The following CACNA1D variants were observed in gnomAD, a reference collection of about 807,000 sequenced individuals.
CACNA1D encodes the protein voltage-dependent L-type calcium channel subunit alpha-1D.
In CACNA1D, 55 loss-of-function variants were observed where a neutral mutation model predicts 257.1. The ratio of observed to expected loss-of-function variants is 0.21; its 90% CI spans 0.17 to 0.27. CACNA1D has a LOEUF of 0.27. Among genes scored for constraint, CACNA1D ranks in the 10% least tolerant of loss-of-function variants. The pLI is 1.00. For synonymous variants in CACNA1D, 980 were observed against 1,014.9 expected (o/e 0.97, Z 0.65); for missense variants, 1,876 against 2,784.0 (o/e 0.67, Z 7.34).
Position 53,732,257 on chromosome 3 carries a change from G to A in CACNA1D, c.2473+175G>A, listed in dbSNP as rs11926741. ...TTTCCCATGGTCACAGGCAGAATGT[G>A]TCACTCAAATTCCAGGTGATGGGGA... On this transcript the variant is annotated intron_variant, in intron 18 of 47. Coordinates refer to ENST00000350061, the MANE Select transcript of CACNA1D (RefSeq NM_001128840.3). 0.065 allele frequency among the ~76,000 whole-genome samples: 9,950 copies of A among 152,348 alleles called. 423 individuals are homozygous for A. Among genetic ancestry groups the A allele is most frequent in the Middle Eastern group, 0.12 (36 of 294 alleles).
intron 8 of CACNA1D, among the ~76,000 whole-genome samples, chr3:53,702,097 G>A (rs1387375120): frequency 6.6e-6 from 1 of 152,224 alleles, no homozygotes; most frequent in African/African-American, 2.4e-5. Context: ...CAGGTGATGG[G>A]TAGAGGAGCC....
chr3:53,565,650 T>A (rs1486229481), intron 3 of CACNA1D, among the ~76,000 whole-genome samples: 2 of 152,218 alleles, frequency 1.3e-5, no homozygotes, highest in Non-Finnish European at 2.9e-5. Flanking sequence ...TCAAAAGGCA[T>A]GTGGAACCTT....
intron 3 of CACNA1D, among the ~76,000 whole-genome samples, chr3:53,502,042 TTTTTC>T (rs1349256267): frequency 3.0e-4 from 46 of 151,810 alleles, no homozygotes; most frequent in African/African-American, 1.1e-3. Flanking sequence ...AATATTAGCT[TTTTTC>T]TTTTCTTTTT....
chr3:53,600,675 C>A (rs964348323), intron 3 of CACNA1D, among the ~76,000 whole-genome samples: 15 of 152,132 alleles, frequency 9.9e-5, no homozygotes, highest in African/African-American at 3.4e-4. Flanking sequence ...ATTGATCATT[C>A]ATTCATCAGT....
chr3:53,590,915 C>T (rs572479872), intron 3 of CACNA1D, among the ~76,000 whole-genome samples: 34 of 152,268 alleles, frequency 2.2e-4, no homozygotes, highest in African/African-American at 7.5e-4. Context: ...CTACAGAAGG[C>T]CCTACTGCCT....
chr3:53,799,069 A>T (rs1022516058), intron 40 of CACNA1D, among the ~76,000 whole-genome samples: 3 of 152,152 alleles, frequency 2.0e-5, no homozygotes, highest in Non-Finnish European at 4.4e-5. Context: ...CTGCACATCC[A>T]TTGTCTTAGC....
At chr3:53,684,621 CAAAAAA>C (rs60026644) in intron 8 of CACNA1D, among the ~76,000 whole-genome samples, 9 of 84,510 alleles carry the variant, frequency 1.1e-4, no homozygotes, top group African/African-American at 4.2e-4. Context: ...GAAACTCTGT[CAAAAAA>C]AAAAAAAAAA....
chr3:53,659,625 C>T (rs1443435922), intron 4 of CACNA1D, among the ~76,000 whole-genome samples: 2 of 152,202 alleles, frequency 1.3e-5, no homozygotes, highest in African/African-American at 2.4e-5. Flanking sequence ...GTCCACATGC[C>T]TGTGTTTACA....
At chr3:53,556,728 T>C (rs988610266) in intron 3 of CACNA1D, among the ~76,000 whole-genome samples, 1 of 152,056 alleles carries the variant, frequency 6.6e-6, no homozygotes, top group Non-Finnish European at 1.5e-5. Flanking sequence ...TTTTTTAATT[T>C]TTTTTTGAGA....
chr3:53,528,849 T>C (rs2091852564), intron 3 of CACNA1D, among the ~76,000 whole-genome samples: 1 of 152,222 alleles, frequency 6.6e-6, no homozygotes, highest in Non-Finnish European at 1.5e-5. Context: ...TTTTTGTATA[T>C]GTTGCCTTGT....
chr3:53,774,961 T>C lies in CACNA1D; in HGVS notation c.4202+283T>C, dbSNP rs1001890188. 3.9e-5 allele frequency among the ~76,000 whole-genome samples: 6 copies of C among 152,180 alleles called. No homozygotes were observed. The highest frequency in any genetic ancestry group is 3.9e-4 in the Admixed American group (6 of 15,278). ...GCTACTTAGGCCACCTGAAAAATTG[T>C]AGGATGTACGTTTATGCATGGAGGC... On this transcript the variant is annotated intron_variant, in intron 34 of 47. Coordinates refer to ENST00000350061, the MANE Select transcript of CACNA1D (RefSeq NM_001128840.3). The surrounding 1 kb of genome is among the most constrained non-coding windows in gnomAD (Gnocchi z 4.3).
At chr3:53,540,934 G>A (rs903652279) in intron 3 of CACNA1D, among the ~76,000 whole-genome samples, 1 of 152,068 alleles carries the variant, frequency 6.6e-6, no homozygotes. Flanking sequence ...TAGAGACAGG[G>A]TTTCACCATG....
chr3:53,516,153 C>T (rs2091324694), intron 3 of CACNA1D, among the ~76,000 whole-genome samples: 1 of 152,208 alleles, frequency 6.6e-6, no homozygotes, highest in African/African-American at 2.4e-5. Context: ...CGAGGGAGCT[C>T]TCATTTACCA....
At chr3:53,661,425 A>G (rs1351515353) in intron 5 of CACNA1D, among the ~76,000 whole-genome samples, 5 of 152,360 alleles carry the variant, frequency 3.3e-5, no homozygotes, top group Non-Finnish European at 5.9e-5. Flanking sequence ...TTTTCATTGA[A>G]AAAGATCAGC....
At chr3:53,631,145 C>G (rs1335958984) in intron 3 of CACNA1D, among the ~76,000 whole-genome samples, 1 of 152,170 alleles carries the variant, frequency 6.6e-6, no homozygotes, top group Non-Finnish European at 1.5e-5. Context: ...ATAGATTCTT[C>G]CTTTCATGAA....
chr3:53,756,697 T>C (rs560321065), intron 29 of CACNA1D, among the ~76,000 whole-genome samples: 8 of 152,198 alleles, frequency 5.3e-5, no homozygotes, highest in Non-Finnish European at 7.4e-5. Context: ...GCTGCTAGAA[T>C]TCTCCAACAA....
At chr3:53,593,505 C>T (rs1432061640) in intron 3 of CACNA1D, among the ~76,000 whole-genome samples, 1 of 152,202 alleles carries the variant, frequency 6.6e-6, no homozygotes, top group Non-Finnish European at 1.5e-5. Flanking sequence ...CACCCCAAGC[C>T]TGGTGTGTTC....
At chr3:53,553,039 G>T (rs1242628882) in intron 3 of CACNA1D, among the ~76,000 whole-genome samples, 2 of 152,196 alleles carry the variant, frequency 1.3e-5, no homozygotes, top group Non-Finnish European at 2.9e-5. Context: ...ATTACTCATA[G>T]ATAACAAATC....
chr3:53,543,091 TA>T (rs202132960), intron 3 of CACNA1D, among the ~76,000 whole-genome samples: 3,139 of 95,930 alleles, frequency 0.033, 65 homozygotes, highest in East Asian at 0.12. Flanking sequence ...ATAATAAAAT[TA>T]AAAAAAAAAA....
Sources: gnomAD v4.1 joint callset for allele counts (sites outside exome capture counted in the v4.1 genomes callset) on GRCh38, gnomAD v4.1.1 for gene constraint, Gnocchi (gnomAD v3.1) non-coding constraint, MANE v1.5 for transcripts, NCBI Gene and HGNC (gene_info 2026-07-23, HGNC 2026-07-21) for gene names.